The following SPOCK3 variants were observed in gnomAD, a reference collection of about 807,000 sequenced individuals.
SPOCK3 encodes SPARC (osteonectin), cwcv and kazal like domains proteoglycan 3.
SPOCK3 carries 30 observed loss-of-function variants against 56.6 expected under a neutral mutation model. The observed-to-expected ratio is 0.53, with a 90% CI of 0.40 to 0.72. The LOEUF (loss-of-function observed/expected upper bound fraction) is 0.72, where lower values mean the gene tolerates loss of function less well. Among genes scored for constraint, SPOCK3 ranks in the 30% least tolerant of loss-of-function variants. SPOCK3 has a pLI of 0.00. For synonymous variants in SPOCK3, 196 were observed against 183.3 expected, an observed-to-expected ratio of 1.07 and a Z score of -0.56; for missense variants, 527 against 530.0, an observed-to-expected ratio of 0.99 and a Z score of 0.06.
intron 2 of SPOCK3, among the ~76,000 whole-genome samples, chr4:167,146,297 G>A (rs1013556128): frequency 1.3e-5 from 2 of 151,884 alleles, no homozygotes; most frequent in Non-Finnish European, 2.9e-5. Flanking sequence ...ACATGAGAAC[G>A]CAGATTCATA....
intron 4 of SPOCK3, among the ~76,000 whole-genome samples, chr4:166,954,063 A>G (rs1432409943): frequency 2.6e-5 from 4 of 151,666 alleles, no homozygotes; most frequent in African/African-American, 4.8e-5. Context: ...GTGCACATGT[A>G]CCCTAAAACT....
At chr4:167,229,728 T>C (rs1736966878) in intron 2 of SPOCK3, among the ~76,000 whole-genome samples, 1 of 152,174 alleles carries the variant, frequency 6.6e-6, no homozygotes, top group South Asian at 2.1e-4. Context: ...CATGTCAGCC[T>C]GTATTTTACA....
chr4:167,226,660 T>C (rs1000567135), intron 2 of SPOCK3, among the ~76,000 whole-genome samples: 10 of 152,118 alleles, frequency 6.6e-5, no homozygotes, highest in Admixed American at 5.9e-4. Flanking sequence ...TGTAACCAAG[T>C]TCAGGCCTGT....
At chr4:166,893,738 A>C (rs1027657384) in intron 5 of SPOCK3, among the ~76,000 whole-genome samples, 4 of 152,160 alleles carry the variant, frequency 2.6e-5, no homozygotes, top group African/African-American at 9.6e-5. Context: ...AAAATATGGA[A>C]TGTCATGAGT....
At chr4:166,819,514 T>C (rs752353939) in intron 6 of SPOCK3, among the ~76,000 whole-genome samples, 7 of 151,942 alleles carry the variant, frequency 4.6e-5, no homozygotes, top group Non-Finnish European at 7.4e-5. Flanking sequence ...ATAGAACTAA[T>C]AAAGGAGTTC....
chr4:166,749,186 A>G (rs1736035818), intron 8 of SPOCK3, among the ~76,000 whole-genome samples: 1 of 137,590 alleles, frequency 7.3e-6, no homozygotes, highest in Non-Finnish European at 1.5e-5. Context: ...ACACATGTGC[A>G]CGTATGTTTA....
chr4:166,780,817 G>A lies in SPOCK3; in HGVS notation c.709+11353C>T, dbSNP rs148555257. Among the ~76,000 whole-genome samples, 711 of 152,258 alleles carry A rather than the reference G, an allele frequency of 4.7e-3. 9 individuals are homozygous for A. Among genetic ancestry groups the A allele is most frequent in the African/African-American group, 0.016 (662 of 41,566 alleles). ...CAGAGCAGCAAATGTTGCTTAAGAA[G>A]TGCCAACCTTCTATCAATGGTGGAG... On this transcript the variant is annotated intron_variant, in intron 7 of 10. Transcript: ENST00000357545.
intron 4 of SPOCK3, among the ~76,000 whole-genome samples, chr4:166,968,907 G>A (rs1015407698): frequency 6.6e-5 from 10 of 152,300 alleles, no homozygotes; most frequent in African/African-American, 2.2e-4. Flanking sequence ...AAGCCAAGGA[G>A]GCTGTACCCT....
chr4:166,992,243 A>T (rs1230678311), intron 4 of SPOCK3, among the ~76,000 whole-genome samples: 1 of 152,102 alleles, frequency 6.6e-6, no homozygotes, highest in Non-Finnish European at 1.5e-5. Flanking sequence ...CGGAGGAAAG[A>T]ATCAAATCTG....
At chr4:166,841,089 T>C (rs953605416) in intron 6 of SPOCK3, among the ~76,000 whole-genome samples, 1 of 152,090 alleles carries the variant, frequency 6.6e-6, no homozygotes, top group African/African-American at 2.4e-5. Context: ...GCAGAAGTTT[T>C]TTTTTACTAA....
At chr4:166,764,525 C>T (rs551522757) in intron 7 of SPOCK3, among the ~76,000 whole-genome samples, 78 of 152,094 alleles carry the variant, frequency 5.1e-4, no homozygotes, top group Non-Finnish European at 9.0e-4. Flanking sequence ...TGAACTCATC[C>T]TTTTTTATGG....
At chr4:166,859,238 C>T (rs1730997104) in intron 6 of SPOCK3, among the ~76,000 whole-genome samples, 1 of 152,114 alleles carries the variant, frequency 6.6e-6, no homozygotes, top group Non-Finnish European at 1.5e-5. Context: ...ATGAAGAAAT[C>T]ACGTCCTGAC....
chr4:167,135,529 T>A (rs953946895), intron 2 of SPOCK3, among the ~76,000 whole-genome samples: 1 of 152,178 alleles, frequency 6.6e-6, no homozygotes, highest in Admixed American at 6.6e-5. Context: ...TCACCTGTCT[T>A]AGCAGCCTAT....
chr4:166,766,861 T>C (rs1738150492), intron 7 of SPOCK3, among the ~76,000 whole-genome samples: 1 of 152,218 alleles, frequency 6.6e-6, no homozygotes, highest in Non-Finnish European at 1.5e-5. Flanking sequence ...TGCCTCAATT[T>C]CGGAACCTGT....
At chr4:167,189,380 A>G (rs1450641157) in intron 2 of SPOCK3, among the ~76,000 whole-genome samples, 1 of 145,834 alleles carries the variant, frequency 6.9e-6, no homozygotes. Context: ...TACTTACCAT[A>G]TGAGCCAATA....
chr4:166,877,464 C>T (rs1320164629), intron 6 of SPOCK3, among the ~76,000 whole-genome samples: 1 of 151,982 alleles, frequency 6.6e-6, no homozygotes, highest in East Asian at 1.9e-4. Flanking sequence ...GTTCAGAAAA[C>T]ATAAGCTAAA....
chr4:167,151,338 C>A (rs147373304), intron 2 of SPOCK3, among the ~76,000 whole-genome samples: 284 of 152,228 alleles, frequency 1.9e-3, no homozygotes, highest in Non-Finnish European at 3.6e-3. Flanking sequence ...ACAGAGGGTG[C>A]GGCAGCACTT....
chr4:166,739,049 A>C (rs1734550659), intron 9 of SPOCK3, among the ~76,000 whole-genome samples: 1 of 151,956 alleles, frequency 6.6e-6, no homozygotes, highest in Non-Finnish European at 1.5e-5. Context: ...TGCCACACTG[A>C]CTTCCACAAT....
chr4:166,884,219 G>T (rs982844473), intron 6 of SPOCK3, among the ~76,000 whole-genome samples: 4 of 152,090 alleles, frequency 2.6e-5, no homozygotes, highest in Admixed American at 6.6e-5. Context: ...CGGGCGTGGT[G>T]GCTGGCACCT....
Sources: allele counts gnomAD v4.1 joint callset (sites outside exome capture counted in the v4.1 genomes callset), GRCh38; gene constraint gnomAD v4.1.1; transcripts MANE v1.5; gene names NCBI Gene and HGNC (gene_info 2026-07-23, HGNC 2026-07-21).